NAALADL2: variants seen among roughly 807,000 people sequenced by gnomAD.
The protein encoded by NAALADL2 is N-acetylated alpha-linked acidic dipeptidase like 2, also known as inactive N-acetylated-alpha-linked acidic dipeptidase-like protein 2.
NAALADL2 carries 76 observed loss-of-function variants against 87.2 expected under a neutral mutation model. The ratio of observed to expected loss-of-function variants is 0.87; its 90% CI spans 0.72 to 1.05. NAALADL2 has a LOEUF of 1.05. Ranked by LOEUF, NAALADL2 falls within the 50% of genes least tolerant of loss-of-function variation. The pLI is 0.00. For synonymous variants in NAALADL2, 354 were observed against 331.0 expected (o/e 1.07, Z -0.75); for missense variants, 1,089 against 945.8 (o/e 1.15, Z -1.99).
At chr3:175,012,275 C>T in intron 1 of NAALADL2, among the ~76,000 whole-genome samples, 1 of 152,158 alleles carries the variant, frequency 6.6e-6, no homozygotes, top group Non-Finnish European at 1.5e-5. Flanking sequence ...AGGGATTCTC[C>T]TGCCTCAGCC....
intron 1 of NAALADL2, among the ~76,000 whole-genome samples, chr3:174,937,837 TTATC>T (rs1018550992): frequency 1.3e-5 from 2 of 152,078 alleles, no homozygotes; most frequent in African/African-American, 4.8e-5. Flanking sequence ...AATTTTCAGT[TTATC>T]TGTGTGCCAT....
chr3:175,448,228 T>C (rs1466239864), intron 6 of NAALADL2, among the ~76,000 whole-genome samples: 2 of 152,216 alleles, frequency 1.3e-5, no homozygotes, highest in Non-Finnish European at 2.9e-5. Flanking sequence ...TCTAAACTGA[T>C]TACCAATTAA....
intron 10 of NAALADL2, among the ~76,000 whole-genome samples, chr3:175,619,236 A>AAAGG (rs1553933925): frequency 0.32 from 45,292 of 142,128 alleles, 7,606 homozygotes; most frequent in Admixed American, 0.42. Flanking sequence ...AGAAAGAAAG[A>AAAGG]AAGGAAGGAA....
intron 3 of NAALADL2, among the ~76,000 whole-genome samples, chr3:174,754,775 ATCTT>A (rs969132563): frequency 1.3e-5 from 2 of 152,126 alleles, no homozygotes; most frequent in African/African-American, 4.8e-5. Flanking sequence ...GTGGTTTTTA[ATCTT>A]TCTTTCAGTC....
rs376960072 is a variant in NAALADL2, at chr3:175,158,717, G to A, written c.545+61426G>A. 2.0e-5 allele frequency among the ~76,000 whole-genome samples: 3 copies of A among 151,974 alleles called. No individual in the cohort carries two copies. The East Asian group carries it at 5.8e-4, about 29-fold the overall frequency. On this transcript the variant is annotated intron_variant, in intron 2 of 13. Coordinates refer to ENST00000454872, the MANE Select transcript of NAALADL2 (RefSeq NM_207015.3). The stretch of plus-strand genomic sequence containing the variant: ...TAAATAGCAATTTTTTTGCAGTGAA[G>A]ATTTTTCTGCCAAGAAAAAGGAGCA...
chr3:174,590,879 A>G (rs1227702932), intron 2 of NAALADL2, among the ~76,000 whole-genome samples: 1 of 152,066 alleles, frequency 6.6e-6, no homozygotes, highest in East Asian at 1.9e-4. Flanking sequence ...TTTCGGTGAA[A>G]TGAAAGGAAA....
At chr3:174,456,003 TAAGTG>T (rs753581382) in intron 1 of NAALADL2, among the ~76,000 whole-genome samples, 19 of 152,240 alleles carry the variant, frequency 1.2e-4, no homozygotes, top group Non-Finnish European at 1.9e-4. Context: ...ATAAACAACT[TAAGTG>T]AAGTCTCAAG....
chr3:175,600,876 C>T (rs1453414125), intron 10 of NAALADL2, among the ~76,000 whole-genome samples: 2 of 152,112 alleles, frequency 1.3e-5, no homozygotes, highest in Non-Finnish European at 2.9e-5. Context: ...ACTAACCAGA[C>T]CATGTGGCAT....
intron 1 of NAALADL2, among the ~76,000 whole-genome samples, chr3:174,487,835 CATAA>C (rs959077904): frequency 1.3e-5 from 2 of 151,686 alleles, no homozygotes; most frequent in African/African-American, 2.4e-5. Context: ...GATTTGGTGA[CATAA>C]ATAGAGAGAT....
intron 9 of NAALADL2, among the ~76,000 whole-genome samples, chr3:175,508,116 A>G (rs1238819209): frequency 6.6e-6 from 1 of 152,164 alleles, no homozygotes; most frequent in East Asian, 1.9e-4. Flanking sequence ...GGTGCCATAC[A>G]TTTTTAAACC....
At chr3:175,357,765 C>G (rs1033417755) in intron 5 of NAALADL2, among the ~76,000 whole-genome samples, 5 of 152,104 alleles carry the variant, frequency 3.3e-5, no homozygotes, top group Admixed American at 6.6e-5. Context: ...CTATATCAGT[C>G]AAAGTAATGG....
At chr3:175,714,206 T>A (rs957769212) in intron 11 of NAALADL2, among the ~76,000 whole-genome samples, 3 of 152,222 alleles carry the variant, frequency 2.0e-5, no homozygotes, top group Non-Finnish European at 4.4e-5. Context: ...TGCATGTGTC[T>A]TTATAGTAGA....
intron 1 of NAALADL2, among the ~76,000 whole-genome samples, chr3:174,979,454 T>C (rs976604603): frequency 2.0e-5 from 3 of 151,762 alleles, no homozygotes; most frequent in African/African-American, 7.3e-5. Flanking sequence ...TACAGGCTCC[T>C]GCCACCACGC....
At chr3:175,502,343 C>A (rs1249950393) in intron 9 of NAALADL2, among the ~76,000 whole-genome samples, 1 of 151,862 alleles carries the variant, frequency 6.6e-6, no homozygotes, top group Non-Finnish European at 1.5e-5. Context: ...ATGTATGTAA[C>A]CCTCATGCAA....
chr3:175,671,002 A>T (rs1452376547), intron 11 of NAALADL2, among the ~76,000 whole-genome samples: 4 of 151,600 alleles, frequency 2.6e-5, no homozygotes, highest in Non-Finnish European at 5.9e-5. Context: ...GTAAAAAAAA[A>T]TAATAATAAT....
intron 1 of NAALADL2, among the ~76,000 whole-genome samples, chr3:174,497,869 A>AT (rs1399720147): frequency 6.6e-6 from 1 of 152,160 alleles, no homozygotes; most frequent in African/African-American, 2.4e-5. Context: ...AATGTAAAAA[A>AT]CTGAAAGATA....
At position 175,498,239 on chromosome 3, in the gene NAALADL2, T is replaced by A. The variant is rs201583710; in HGVS notation, c.1653+26481T>A. Among the ~76,000 whole-genome samples, 8 of 152,094 alleles carry A rather than the reference T, an allele frequency of 5.3e-5. No individual in the cohort carries two copies. The East Asian group carries it at 1.5e-3, about 29-fold the overall frequency. On this transcript the variant is annotated intron_variant, in intron 9 of 13. Transcript: ENST00000454872. ...GGACAAATCTAAAAGCTATTGACCT[T>A]AAAAAGAAGGTAGTGAGAAAGGTCA...
intron 3 of NAALADL2, among the ~76,000 whole-genome samples, chr3:174,768,155 T>A (rs1437206074): frequency 6.6e-6 from 1 of 152,202 alleles, no homozygotes; most frequent in Non-Finnish European, 1.5e-5. Flanking sequence ...TTTACTTTAG[T>A]GTTAGTAATT....
intron 11 of NAALADL2, among the ~76,000 whole-genome samples, chr3:175,720,275 C>A (rs1371064841): frequency 6.6e-6 from 1 of 151,504 alleles, no homozygotes; most frequent in African/African-American, 2.4e-5. Context: ...AAATTAGAAA[C>A]CATAACAAAA....
Sources: gnomAD v4.1 joint callset for allele counts (sites outside exome capture counted in the v4.1 genomes callset) on GRCh38, gnomAD v4.1.1 for gene constraint, MANE v1.5 for transcripts, NCBI Gene and HGNC (gene_info 2026-07-23, HGNC 2026-07-21) for gene names.